MYO18B: variants seen among roughly 807,000 people sequenced by gnomAD.
MYO18B encodes the protein unconventional myosin-XVIIIb.
Under a neutral mutation model 273.0 loss-of-function variants are expected in MYO18B, and 204 were observed. That is an observed-to-expected ratio of 0.75 (90% CI 0.67 to 0.84). The LOEUF is 0.84. Among genes scored for constraint, MYO18B ranks in the 40% least tolerant of loss-of-function variants. MYO18B has a pLI of 0.00. For synonymous variants in MYO18B, 1,330 were observed against 1,305.7 expected (o/e 1.02, Z -0.40); for missense variants, 3,212 against 3,287.6 (o/e 0.98, Z 0.56).
At chr22:25,932,844 T>A (rs2092526652) in intron 34 of MYO18B, among the ~76,000 whole-genome samples, 1 of 152,292 alleles carries the variant, frequency 6.6e-6, no homozygotes, top group South Asian at 2.1e-4. Context: ...TTTTTGTTTT[T>A]AAATGGTTAC....
intron 28 of MYO18B, chr22:25,896,828 T>C (rs2146312169): frequency 6.6e-6 from 1 of 152,286 alleles, no homozygotes; most frequent in African/African-American, 2.4e-5. Context: ...CCATGGCCAA[T>C]TTCAAACTAC....
At chr22:25,999,639 CT>C (rs1455819283) in intron 40 of MYO18B, among the ~76,000 whole-genome samples, 10 of 104,342 alleles carry the variant, frequency 9.6e-5, no homozygotes, top group African/African-American at 4.4e-4. Flanking sequence ...CCTCCTCCTC[CT>C]TTCTCCTCCT....
intron 34 of MYO18B, among the ~76,000 whole-genome samples, chr22:25,924,103 A>AC (rs1412136797): frequency 6.6e-6 from 1 of 152,150 alleles, no homozygotes; most frequent in African/African-American, 2.4e-5. Context: ...GATCGCGTGG[A>AC]CCAGAGGTCA....
intron 42 of MYO18B, among the ~76,000 whole-genome samples, chr22:26,016,859 A>G (rs1045643958): frequency 4.6e-5 from 7 of 152,216 alleles, no homozygotes; most frequent in African/African-American, 1.2e-4. Context: ...GAGGGCGGAA[A>G]GGCTTCCTGG....
intron 2 of MYO18B, 77 bp from the exon 3 acceptor site, chr22:25,763,154 A>C: frequency 6.4e-7 from 1 of 1,560,600 alleles, no homozygotes; most frequent in Non-Finnish European, 8.8e-7. Context: ...CCCAGGCTCC[A>C]TCACAAACTT....
At chr22:25,924,407 A>G (rs765052177) in intron 34 of MYO18B, among the ~76,000 whole-genome samples, 17 of 152,258 alleles carry the variant, frequency 1.1e-4, no homozygotes, top group Non-Finnish European at 1.9e-4. Context: ...GCTGGATATA[A>G]GCACCATGGA....
At chr22:26,060,370 G>A in the MYO18B span, among the ~76,000 whole-genome samples, 3 of 152,206 alleles carry the variant, frequency 2.0e-5, no homozygotes, top group Non-Finnish European at 4.4e-5. Context: ...AAATATCAGA[G>A]AAACCACCTA....
At chr22:25,770,560 C>T (rs925467284) in intron 5 of MYO18B, among the ~76,000 whole-genome samples, 1 of 152,094 alleles carries the variant, frequency 6.6e-6, no homozygotes, top group Admixed American at 6.5e-5. Flanking sequence ...CTGCCATGGG[C>T]ACTGGAGGGG....
chr22:25,914,555 G>A (rs2092224539), intron 33 of MYO18B, among the ~76,000 whole-genome samples: 2 of 151,722 alleles, frequency 1.3e-5, no homozygotes, highest in Admixed American at 1.3e-4. Context: ...GAATACCATT[G>A]ATTATCATGC....
At chr22:26,041,534 A>AAATAAT in the MYO18B span, among the ~76,000 whole-genome samples, 2 of 152,038 alleles carry the variant, frequency 1.3e-5, no homozygotes, top group African/African-American at 4.8e-5. Flanking sequence ...TCTATCTCAA[A>AAATAAT]AATAATAATA....
chr22:26,053,220 A>C, the MYO18B span, among the ~76,000 whole-genome samples: 3 of 152,220 alleles, frequency 2.0e-5, no homozygotes, highest in Non-Finnish European at 4.4e-5. Context: ...TAGTACTCCA[A>C]AATGTGCTTG....
At position 25,860,405 on chromosome 22, in the gene MYO18B, A is replaced by G. The variant is rs1023522418; in HGVS notation, c.3886-7915A>G. On this transcript the variant is annotated intron_variant, in intron 21 of 43. Transcript: ENST00000335473. Reference sequence around the variant, plus strand: ...CTTTCACTTGATTTGAGTTTTCTCTACTTTTCCTGGTTTCTTAAAAAGGAA... The same window carrying G: ...CTTTCACTTGATTTGAGTTTTCTCTGCTTTTCCTGGTTTCTTAAAAAGGAA... Among the ~76,000 whole-genome samples the G allele has an allele frequency of 3.9e-5, 6 of 152,020 alleles. No individual in the cohort carries two copies. The East Asian group carries it at 1.2e-3, about 29-fold the overall frequency.
In MYO18B at chr22:25,998,969, G is replaced by A. The variant is rs115903549; in HGVS notation, c.6288-4296G>A. On this transcript the variant is annotated intron_variant, in intron 40 of 43. Transcript: ENST00000335473. ...GAGAGTCAGGGCTCCAAACTACTTT[G>A]TCTATTCCAGCATTACGGGAAATAA... Among the ~76,000 whole-genome samples, 1,487 of 152,244 alleles carry A rather than the reference G, an allele frequency of 9.8e-3. 26 individuals are homozygous for A. Among genetic ancestry groups the A allele is most frequent in the African/African-American group, 0.034 (1,410 of 41,536 alleles).
chr22:25,948,451 CTTCCTTCCTTCTTTCT>C (rs1212074494), intron 36 of MYO18B, among the ~76,000 whole-genome samples: 5 of 99,006 alleles, frequency 5.1e-5, no homozygotes, highest in Non-Finnish European at 1.0e-4. Flanking sequence ...TCCTTCCTTC[CTTCCTTCCTTCTTTCT>C]TTCTTTCTTT....
At chr22:25,841,599 T>C (rs944301826) in intron 17 of MYO18B, among the ~76,000 whole-genome samples, 1 of 152,168 alleles carries the variant, frequency 6.6e-6, no homozygotes, top group Non-Finnish European at 1.5e-5. Flanking sequence ...TTCTAGAAAC[T>C]AGCCCAGAGA....
chr22:26,039,623 G>GTTT, the MYO18B span, among the ~76,000 whole-genome samples: 1 of 151,792 alleles, frequency 6.6e-6, no homozygotes, highest in Non-Finnish European at 1.5e-5. Flanking sequence ...TTTTGTTTTT[G>GTTT]TTTTAGTTAT....
intron 14 of MYO18B, among the ~76,000 whole-genome samples, chr22:25,827,009 C>T (rs2089517693): frequency 6.6e-6 from 1 of 152,152 alleles, no homozygotes; most frequent in Non-Finnish European, 1.5e-5. Flanking sequence ...TTTCAGTGAG[C>T]CGAGATCGCG....
intron 33 of MYO18B, among the ~76,000 whole-genome samples, chr22:25,919,449 C>T (rs556275068): frequency 8.7e-4 from 132 of 152,274 alleles, no homozygotes; most frequent in African/African-American, 3.0e-3. Context: ...CTATACACCT[C>T]ATTGATTCAT....
chr22:25,981,661 C>T (rs747211432), intron 39 of MYO18B, among the ~76,000 whole-genome samples: 16 of 152,162 alleles, frequency 1.1e-4, no homozygotes, highest in African/African-American at 3.1e-4. Context: ...AGGAGGATCA[C>T]GTGGGATCAG....
Sources: gnomAD v4.1 joint callset for allele counts (sites outside exome capture counted in the v4.1 genomes callset) on GRCh38, gnomAD v4.1.1 for gene constraint, MANE v1.5 for transcripts, NCBI Gene and HGNC (gene_info 2026-07-23, HGNC 2026-07-21) for gene names.